MUC7: variants seen among roughly 807,000 people sequenced by gnomAD.
MUC7 encodes mucin-7.
In MUC7, 2 loss-of-function variants were observed where a neutral mutation model predicts 2.5. That is an observed-to-expected ratio of 0.81 (90% confidence interval 0.33 to 2.55). The LOEUF is 2.55. Ranked by LOEUF, MUC7 falls within the 30% of genes most tolerant of loss-of-function variation. The pLI is 0.11. For synonymous variants in MUC7, 133 were observed against 173.4 expected, an observed-to-expected ratio of 0.77 and a Z score of 1.83; for missense variants, 408 against 455.6, an observed-to-expected ratio of 0.90 and a Z score of 0.95.
intron 1 of MUC7, among the ~76,000 whole-genome samples, chr4:70,462,411 G>C (rs1734579579): frequency 6.6e-6 from 1 of 152,086 alleles, no homozygotes; most frequent in African/African-American, 2.4e-5. Flanking sequence ...CAATGATTCT[G>C]TTATGTTAAA....
intron 1 of MUC7, among the ~76,000 whole-genome samples, chr4:70,443,410 C>A (rs1734052054): frequency 6.6e-6 from 1 of 151,826 alleles, no homozygotes. Context: ...TAACTCAACC[C>A]CCTAACAAAA....
intron 1 of MUC7, among the ~76,000 whole-genome samples, chr4:70,463,560 TCAGTTGA>T (rs1212996236): frequency 6.6e-6 from 1 of 152,210 alleles, no homozygotes; most frequent in Non-Finnish European, 1.5e-5. Flanking sequence ...AGAGCAGAAC[TCAGTTGA>T]CAGTACACTA....
chr4:70,465,303 C>A (rs1416378884), intron 1 of MUC7, among the ~76,000 whole-genome samples: 1 of 152,196 alleles, frequency 6.6e-6, no homozygotes, highest in Admixed American at 6.5e-5. Flanking sequence ...AAAACCAGCA[C>A]AAAAAGGCTG....
At chr4:70,436,981 T>G (rs1391173458) in intron 1 of MUC7, among the ~76,000 whole-genome samples, 1 of 152,184 alleles carries the variant, frequency 6.6e-6, no homozygotes, top group Admixed American at 6.5e-5. Context: ...TGTTGGAGTT[T>G]GCTGGAGGTC....
intron 1 of MUC7, among the ~76,000 whole-genome samples, chr4:70,436,662 A>T (rs559173116): frequency 6.6e-6 from 1 of 152,244 alleles, no homozygotes; most frequent in African/African-American, 2.4e-5. Context: ...AGCTCAGAGA[A>T]GTTTGTTATT....
chr4:70,461,310 A>T lies in MUC7; in HGVS notation c.-92-10905A>T, dbSNP rs182979913. On this transcript the variant is annotated intron_variant, in intron 1 of 3. Coordinates refer to the MUC7 transcript ENST00000413702. ...AGATCACAATCAAATTTAATTCACC[A>T]GTTTATCCTAGACAAATAACTCATG... Among the ~76,000 whole-genome samples the T allele has an allele frequency of 3.1e-3, 467 of 152,334 alleles. 3 individuals are homozygous for T. Among genetic ancestry groups the T allele is most frequent in the Middle Eastern group, 6.8e-3 (2 of 294 alleles).
At chr4:70,430,769 T>A (rs527414604) in intron 1 of MUC7, 1 of 152,296 alleles carries the variant, frequency 6.6e-6, no homozygotes, top group African/African-American at 2.4e-5. Context: ...TTCTAATGAT[T>A]ACTGTAAAAA....
intron 2 of MUC7, among the ~76,000 whole-genome samples, chr4:70,480,167 AC>A (rs2109748304): frequency 6.6e-6 from 1 of 152,352 alleles, no homozygotes; most frequent in South Asian, 2.1e-4. Flanking sequence ...TGACTCATGA[AC>A]CCCCGAATCA....
intron 1 of MUC7, among the ~76,000 whole-genome samples, chr4:70,446,798 T>C (rs1247365407): frequency 2.6e-5 from 4 of 152,176 alleles, no homozygotes. Flanking sequence ...ACCTCACTAA[T>C]GTACAGGTAG....
intron 1 of MUC7, among the ~76,000 whole-genome samples, chr4:70,465,625 A>T (rs1734664421): frequency 6.6e-6 from 1 of 152,186 alleles, no homozygotes; most frequent in Admixed American, 6.5e-5. Context: ...AGCCAAATCG[A>T]TCAAGCAAAA....
intron 1 of MUC7, among the ~76,000 whole-genome samples, chr4:70,464,930 C>CAAGGAGTTG (rs1178892756): frequency 2.0e-5 from 3 of 152,234 alleles, no homozygotes; most frequent in Admixed American, 6.5e-5. Flanking sequence ...AAGTGGGTCC[C>CAAGGAGTTG]TGACCCCTGT....
At position 70,482,062 on chromosome 4, in the gene MUC7, T is replaced by A; in HGVS notation, c.*184T>A. ...ACCTATTAACAAGACAAAATGCCTCTATCCCACAAGCCAGATGCAGGTCTG... is the reference window on the plus strand; with the variant it reads ...ACCTATTAACAAGACAAAATGCCTCAATCCCACAAGCCAGATGCAGGTCTG... On this transcript the variant is annotated 3_prime_UTR_variant, in exon 3 of 3. Transcript: ENST00000304887. The A allele has an allele frequency of 1.3e-6, 1 of 744,506 alleles. No homozygotes were observed. The highest frequency in any genetic ancestry group is 2.1e-6 in the Non-Finnish European group (1 of 476,220). 46.1% of individuals were successfully genotyped at this position (744,506 alleles called of 1,614,324 possible). A position where few individuals can be genotyped will look rare whatever the true frequency, so the allele number is the denominator to read the frequency against.
At chr4:70,433,274 G>T (rs891233715) in intron 1 of MUC7, among the ~76,000 whole-genome samples, 13 of 152,006 alleles carry the variant, frequency 8.6e-5, no homozygotes, top group African/African-American at 2.9e-4. Flanking sequence ...AAGAAAGTCA[G>T]TGGTAGCTTG....
At chr4:70,446,938 G>T (rs945759561) in intron 1 of MUC7, among the ~76,000 whole-genome samples, 1 of 152,012 alleles carries the variant, frequency 6.6e-6, no homozygotes, top group African/African-American at 2.4e-5. Flanking sequence ...TAATATTATT[G>T]CATAGATCTT....
intron 2 of MUC7, among the ~76,000 whole-genome samples, chr4:70,478,981 C>T (rs934328864): frequency 1.1e-4 from 16 of 152,146 alleles, no homozygotes; most frequent in Admixed American, 9.2e-4. Flanking sequence ...ATTAAAATTT[C>T]CTGGACAATT....
chr4:70,462,223 A>AAG (rs10567989), intron 1 of MUC7, among the ~76,000 whole-genome samples: 20 of 149,734 alleles, frequency 1.3e-4, no homozygotes, highest in East Asian at 3.9e-4. Flanking sequence ...AAAAAAAAGA[A>AAG]AGAGAGAGAG....
At chr4:70,468,655 A>G (rs575477764), upstream of MUC7, among the ~76,000 whole-genome samples, 20 of 152,236 alleles carry the variant, frequency 1.3e-4, no homozygotes, top group Non-Finnish European at 1.9e-4. Context: ...TCCCATTCAC[A>G]TTTGCTACAA....
At chr4:70,470,025 T>C (rs949477501), upstream of MUC7, among the ~76,000 whole-genome samples, 1 of 152,156 alleles carries the variant, frequency 6.6e-6, no homozygotes, top group African/African-American at 2.4e-5. Context: ...CCATCAATGA[T>C]AGACTGGATA....
chr4:70,475,528 C>A (rs13133486), intron 2 of MUC7, among the ~76,000 whole-genome samples: 6 of 151,812 alleles, frequency 4.0e-5, no homozygotes, highest in Non-Finnish European at 5.9e-5. Flanking sequence ...GGAGGACCCA[C>A]AAGAGGGGAC....
Sources: gnomAD v4.1 joint callset for allele counts (sites outside exome capture counted in the v4.1 genomes callset) on GRCh38, gnomAD v4.1.1 for gene constraint, MANE v1.5 for transcripts, NCBI Gene and HGNC (gene_info 2026-07-23, HGNC 2026-07-21) for gene names.